Variants in KCNAB2 observed in about 807,000 individuals in gnomAD.
The protein encoded by KCNAB2 is potassium voltage-gated channel subfamily A regulatory beta subunit 2.
In KCNAB2, 29 loss-of-function variants were observed where a neutral mutation model predicts 63.6. The ratio of observed to expected loss-of-function variants is 0.46; its 90% CI spans 0.34 to 0.62. The LOEUF is 0.62. Ranked by LOEUF, KCNAB2 falls within the 20% of genes least tolerant of loss-of-function variation. The pLI, the probability that KCNAB2 is intolerant of heterozygous loss-of-function variation, is 0.01. For missense variants in KCNAB2, 359 were observed against 563.9 expected (o/e 0.64, Z 3.68); for synonymous variants, 222 against 224.2 (o/e 0.99, Z 0.09).
chr1:6,072,941 T>G, intron 3 of KCNAB2, 143 bp downstream of exon 3: 2 of 653,248 alleles, frequency 3.1e-6, no homozygotes, highest in Non-Finnish European at 2.5e-6. Context: ...GAGCCCAGGA[T>G]TCAGGGGGGC....
intron 1 of KCNAB2, among the ~76,000 whole-genome samples, chr1:6,005,429 T>TGAGGG (rs1557922556): frequency 3.8e-3 from 5 of 1,310 alleles, no homozygotes; most frequent in East Asian, 0.071. Flanking sequence ...GAGTTGTGGG[T>TGAGGG]TGTGTGAGCT....
intron 2 of KCNAB2, among the ~76,000 whole-genome samples, chr1:6,070,512 A>G (rs1011008043): frequency 5.3e-5 from 8 of 152,232 alleles, no homozygotes; most frequent in Non-Finnish European, 8.8e-5. Flanking sequence ...GGTACTATCA[A>G]GAGTATTTCA....
intron 2 of KCNAB2, among the ~76,000 whole-genome samples, chr1:6,066,034 C>T (rs1477612627): frequency 2.6e-5 from 4 of 152,346 alleles, no homozygotes; most frequent in Non-Finnish European, 4.4e-5. Context: ...GGACAGGGGA[C>T]GCAGCCAGGA....
chr1:6,047,319 C>T (rs528267474), intron 1 of KCNAB2, among the ~76,000 whole-genome samples: 1 of 152,288 alleles, frequency 6.6e-6, no homozygotes, highest in East Asian at 1.9e-4. Flanking sequence ...CTGCTAGAGT[C>T]TCGGCAAAAG....
intron 4 of KCNAB2, among the ~76,000 whole-genome samples, chr1:6,081,623 C>T (rs1472359483): frequency 6.7e-6 from 1 of 149,528 alleles, no homozygotes; most frequent in Admixed American, 6.6e-5. Flanking sequence ...GAGGGTCCGC[C>T]CCATGCCTCT....
intron 5 of KCNAB2, among the ~76,000 whole-genome samples, chr1:6,083,696 C>T (rs546489535): frequency 6.6e-5 from 10 of 152,308 alleles, no homozygotes; most frequent in South Asian, 2.1e-4. Context: ...CGCTGCGTGC[C>T]GGGGATAGGC....
intron 2 of KCNAB2, among the ~76,000 whole-genome samples, chr1:6,052,110 A>G: frequency 6.6e-6 from 1 of 151,850 alleles, no homozygotes; most frequent in Non-Finnish European, 1.5e-5. Context: ...CTCAACAACA[A>G]CAACAAAAAT....
At chr1:6,084,565 C>T (rs887863387) in intron 5 of KCNAB2, among the ~76,000 whole-genome samples, 3 of 152,202 alleles carry the variant, frequency 2.0e-5, no homozygotes, top group East Asian at 1.9e-4. Context: ...CCTGGAATCC[C>T]AGCACTTTGG....
chr1:6,089,142 C>T, intron 8 of KCNAB2, 91 bp downstream of exon 8: 2 of 1,355,394 alleles, frequency 1.5e-6, no homozygotes, highest in African/African-American at 1.4e-5. Context: ...CCGACCCCCC[C>T]AGTTAACCCA....
At position 6,096,448 on chromosome 1, in the gene KCNAB2, C is replaced by A; in HGVS notation, c.949-188C>A. On this transcript the variant is annotated intron_variant, in intron 13 of 15. Transcript: ENST00000378083. The surrounding 1 kb of genome is among the most constrained non-coding windows in gnomAD (Gnocchi z 5.9). ...GCCCCGCTCATCCACCAGCCCGTGCCCGGCCCACTGCCCACTCTCCCCTAC... is the reference window on the plus strand; with the variant it reads ...GCCCCGCTCATCCACCAGCCCGTGCACGGCCCACTGCCCACTCTCCCCTAC... 1 of 751,334 alleles carries A rather than the reference C, an allele frequency of 1.3e-6. No homozygotes were observed. The allele number at this position is 751,334 out of a possible 1,614,324, so 46.5% of individuals were successfully genotyped here.
chr1:6,052,262 A>C (rs1330735467), intron 2 of KCNAB2, among the ~76,000 whole-genome samples: 3 of 152,126 alleles, frequency 2.0e-5, no homozygotes, highest in East Asian at 3.9e-4. Context: ...TCTCTACCCC[A>C]AAATACAAAG....
At chr1:6,037,671 T>A (rs1168990941) in intron 1 of KCNAB2, among the ~76,000 whole-genome samples, 1 of 152,198 alleles carries the variant, frequency 6.6e-6, no homozygotes, top group African/African-American at 2.4e-5. Flanking sequence ...TTTAGTGAGA[T>A]GATTTGATTT....
intron 1 of KCNAB2, among the ~76,000 whole-genome samples, chr1:6,011,149 A>C (rs879797926): frequency 1.3e-5 from 2 of 152,256 alleles, no homozygotes; most frequent in Admixed American, 1.3e-4. Context: ...GGGGAGATGC[A>C]GCATTGCTCT....
chr1:6,090,576 C>T (rs1665105324), intron 9 of KCNAB2, 101 bp downstream of exon 9: 2 of 886,022 alleles, frequency 2.3e-6, no homozygotes, highest in South Asian at 3.0e-5. Flanking sequence ...TGCTGGGCAC[C>T]CGGGTGAGCC....
rs191325384 is a variant in KCNAB2, at chr1:5,995,672, G to A, written c.-53+2884G>A. On this transcript the variant is annotated intron_variant, in intron 1 of 16. Transcript: ENST00000341524. The stretch of plus-strand genomic sequence containing the variant: ...AGAGAAGAGTGAGGGCACCAGGTCC[G>A]TGGTGGGATGAAGGAAAGGAGGGAC... Among the ~76,000 whole-genome samples the A allele has an allele frequency of 3.3e-4, 51 of 152,312 alleles. 2 individuals carry two copies. In the South Asian group the frequency reaches 7.0e-3, roughly 21 times the overall value.
chr1:6,050,811 C>T lies in KCNAB2; in HGVS notation c.-26-700C>T, dbSNP rs138922098. On this transcript the variant is annotated intron_variant, in intron 1 of 15. Coordinates refer to ENST00000378083, the MANE Select transcript of KCNAB2 (RefSeq NM_001199862.2). ...TTCCCCAGGCCACTCTCCTCCGCAA[C>T]CTGCTTAAATGCATTCTGCTCAGTT... is the stretch of plus-strand genomic sequence containing the variant. Among the ~76,000 whole-genome samples, 549 of 152,382 alleles carry T rather than the reference C, an allele frequency of 3.6e-3. 2 individuals carry two copies. The highest frequency in any genetic ancestry group is 0.013 in the African/African-American group (536 of 41,594).
At chr1:6,021,210 C>T (rs984800446) in intron 1 of KCNAB2, among the ~76,000 whole-genome samples, 45 of 152,102 alleles carry the variant, frequency 3.0e-4, no homozygotes, top group African/African-American at 1.1e-3. Context: ...GTTGCCCAGG[C>T]TGGTCTTAAG....
chr1:6,041,754 T>C, upstream of KCNAB2: 1 of 1,313,804 alleles, frequency 7.6e-7, no homozygotes, highest in Non-Finnish European at 1.1e-6. Context: ...CTGCACCTGC[T>C]GGGGTTGATG....
intron 5 of KCNAB2, among the ~76,000 whole-genome samples, chr1:6,082,737 C>T (rs1157944028): frequency 6.6e-6 from 1 of 152,246 alleles, no homozygotes; most frequent in Non-Finnish European, 1.5e-5. Flanking sequence ...CAGCCTTCTT[C>T]AGCCAGGCTG....
Sources: allele counts gnomAD v4.1 joint callset (sites outside exome capture counted in the v4.1 genomes callset), GRCh38; gene constraint gnomAD v4.1.1; non-coding constraint Gnocchi (gnomAD v3.1); transcripts MANE v1.5; gene names NCBI Gene and HGNC (gene_info 2026-07-23, HGNC 2026-07-21).